Variants in GATC observed in about 807,000 individuals in gnomAD.
GATC encodes glutamyl-tRNA(Gln) amidotransferase subunit C, mitochondrial.
In GATC, 11 loss-of-function variants were observed where a neutral mutation model predicts 14.4. That is an observed-to-expected ratio of 0.77 (90% confidence interval 0.48 to 1.27). GATC has a LOEUF of 1.27. Ranked by LOEUF, GATC falls within the 50% of genes most tolerant of loss-of-function variation. GATC has a pLI of 0.00. For missense variants in GATC, 204 were observed against 183.0 expected (o/e 1.11, Z -0.66); for synonymous variants, 76 against 79.3 (o/e 0.96, Z 0.22).
chr12:120,456,722 T>C (rs1878194405), intron 2 of GATC, among the ~76,000 whole-genome samples: 1 of 152,214 alleles, frequency 6.6e-6, no homozygotes, highest in Non-Finnish European at 1.5e-5. Context: ...CTGGACTAGG[T>C]ACCCTTTCTA....
intron 3 of GATC, among the ~76,000 whole-genome samples, chr12:120,458,265 A>G (rs899278913): frequency 6.6e-6 from 1 of 151,462 alleles, no homozygotes; most frequent in African/African-American, 2.4e-5. Flanking sequence ...ATATTTTTGT[A>G]TTTTTAGTAG....
At chr12:120,456,923 G>A (rs200373680) in intron 2 of GATC, among the ~76,000 whole-genome samples, 153 bp from the exon 3 acceptor site, 2 of 152,158 alleles carry the variant, frequency 1.3e-5, no homozygotes, top group African/African-American at 4.8e-5. Context: ...GCTGTTATTT[G>A]GTCTACTGTT....
At chr12:120,449,564 C>T (rs924670136) in intron 2 of GATC, among the ~76,000 whole-genome samples, 1 of 152,126 alleles carries the variant, frequency 6.6e-6, no homozygotes. Context: ...TCTCTTGCCT[C>T]AGCTTCCCGA....
Position 120,460,018 on chromosome 12 carries a change from T to A in GATC, c.*59T>A. The A allele has an allele frequency of 7.6e-7, 1 of 1,319,206 alleles. No homozygotes were observed. Among genetic ancestry groups the A allele is most frequent in the African/African-American group, 1.5e-5 (1 of 68,286 alleles). The allele number at this position is 1,319,206 out of a possible 1,614,324, so 81.7% of individuals were successfully genotyped here. On this transcript the variant is annotated 3_prime_UTR_variant, in exon 4 of 4. Transcript: ENST00000551765. The stretch of plus-strand genomic sequence containing the variant: ...CATGTGGAAGCATAATGACAGTATT[T>A]TTTTACTGTGAATACTAATGTTCCT...
At chr12:120,457,636 C>T (rs1047096539) in intron 3 of GATC, among the ~76,000 whole-genome samples, 12 of 117,486 alleles carry the variant, frequency 1.0e-4, no homozygotes, top group South Asian at 8.4e-4. Context: ...GACGGAGTTT[C>T]GCTCTTGTTG....
intron 2 of GATC, chr12:120,450,788 C>T (rs1878017429): frequency 6.6e-6 from 1 of 152,256 alleles, no homozygotes; most frequent in Admixed American, 6.5e-5. Context: ...TTCTCACCAT[C>T]CTTCTTTGCA....
intron 2 of GATC, among the ~76,000 whole-genome samples, chr12:120,450,968 CCT>C (rs910391024): frequency 4.0e-5 from 6 of 151,618 alleles, no homozygotes; most frequent in South Asian, 2.1e-4. Context: ...ATGGCGAAAC[CCT>C]GTTTCTACTT....
At chr12:120,454,992 ATTC>A (rs1376703549) in intron 2 of GATC, 2 of 451,362 alleles carry the variant, frequency 4.4e-6, no homozygotes, top group South Asian at 1.6e-5. Context: ...CATTCAAGTG[ATTC>A]TTGTGCCTCA....
chr12:120,452,577 T>C lies in GATC; in HGVS notation c.255-4499T>C, dbSNP rs150061619. Among the ~76,000 whole-genome samples the C allele has an allele frequency of 2.2e-3, 335 of 152,278 alleles. 1 individual carries two copies. Among genetic ancestry groups the C allele is most frequent in the Middle Eastern group, 0.014 (4 of 292 alleles). ...GCTAATTTTTTTCTTTGTTACTTTT[T>C]TTTTGGTGGAGACAGGATCTTGCTG... On this transcript the variant is annotated intron_variant, in intron 2 of 3. Transcript: ENST00000551765.
intron 2 of GATC, chr12:120,454,876 A>C: frequency 4.2e-6 from 1 of 236,376 alleles, no homozygotes; most frequent in South Asian, 4.3e-5. Context: ...AAAAAAATCT[A>C]GTACAACTCT....
Position 120,462,412 on chromosome 12 carries a change from T to C in GATC, c.*2453T>C, listed in dbSNP as rs1403794538. On this transcript the variant is annotated 3_prime_UTR_variant, in exon 4 of 4. Transcript: ENST00000551765. The stretch of plus-strand genomic sequence containing the variant: ...CCAAGGTAACACAATAAATGCCAAT[T>C]TGACATGTTGATACTCAATTAACTA... The C allele has an allele frequency of 2.8e-6, 1 of 362,456 alleles. No individual in the cohort carries two copies. The highest frequency in any genetic ancestry group is 4.8e-5 in the East Asian group (1 of 20,670). 22.5% of individuals were successfully genotyped at this position (362,456 alleles called of 1,614,324 possible). A position where few individuals can be genotyped will look rare whatever the true frequency, so the allele number is the denominator to read the frequency against.
intron 2 of GATC, among the ~76,000 whole-genome samples, chr12:120,449,748 C>T (rs1427936165): frequency 1.3e-5 from 2 of 150,762 alleles, no homozygotes; most frequent in African/African-American, 2.4e-5. Context: ...TGCCCGGCCA[C>T]AGTAAATGTT....
intron 2 of GATC, among the ~76,000 whole-genome samples, chr12:120,451,593 T>G (rs1878046310): frequency 6.6e-6 from 1 of 151,692 alleles, no homozygotes; most frequent in South Asian, 2.1e-4. Flanking sequence ...AATACAAAAA[T>G]TAGCCGGGCA....
At chr12:120,459,565 T>C (rs985282489) in intron 3 of GATC, among the ~76,000 whole-genome samples, 2 of 152,132 alleles carry the variant, frequency 1.3e-5, no homozygotes, top group South Asian at 2.1e-4. Flanking sequence ...GCTATAACAT[T>C]CTCTGTTGTG....
intron 2 of GATC, among the ~76,000 whole-genome samples, chr12:120,449,784 CAG>C (rs1379745395): frequency 2.7e-5 from 4 of 150,008 alleles, no homozygotes; most frequent in Admixed American, 1.3e-4. Flanking sequence ...TTTTTAGAGA[CAG>C]AGTTTTGCTC....
At chr12:120,456,404 A>G (rs1437142200) in intron 2 of GATC, among the ~76,000 whole-genome samples, 2 of 152,218 alleles carry the variant, frequency 1.3e-5, no homozygotes, top group East Asian at 1.9e-4. Flanking sequence ...TAGGTGTATC[A>G]GATTGGGCTG....
chr12:120,447,057 T>G (rs1376522800), intron 2 of GATC, among the ~76,000 whole-genome samples: 1 of 16,408 alleles, frequency 6.1e-5, no homozygotes, highest in Admixed American at 3.4e-4. Context: ...ACTGCCTTTG[T>G]TTTTTTTTTT....
chr12:120,462,299 A>C lies in GATC; in HGVS notation c.*2340A>C. On this transcript the variant is annotated 3_prime_UTR_variant, in exon 4 of 4. Transcript: ENST00000551765. ...TCTGTGCCTGGCATGAGGCTATCTC[A>C]TTAAACCTTCATAACATTATGAGGT... 4.8e-5 allele frequency: 41 copies of C among 858,070 alleles called. No homozygotes were observed. The highest frequency in any genetic ancestry group is 6.2e-5 in the Non-Finnish European group (36 of 577,216). 53.2% of individuals were successfully genotyped at this position (858,070 alleles called of 1,614,324 possible).
chr12:120,446,542 C>T lies in GATC; in HGVS notation c.62C>T (p.Thr21Ile), dbSNP rs1877869585. The change falls in exon 1 of 4, where the codon ACC becomes ATC. Residue 21 changes from threonine to isoleucine, a missense_variant. Transcript: ENST00000551765. The part of the protein sequence containing the change: ...RAPLGGRQGF[T>I]SKADPQGSGR... ...CCTCTGGGCGGGCGCCAGGGCTTCA[C>T]CTCCAAGGCGGATCCTCAGGTAAAG... The T allele has an allele frequency of 1.9e-6, 3 of 1,600,942 alleles. No homozygotes were observed. Among genetic ancestry groups the T allele is most frequent in the Middle Eastern group, 1.7e-4 (1 of 6,022 alleles).
Sources: gnomAD v4.1 joint callset for allele counts (sites outside exome capture counted in the v4.1 genomes callset) on GRCh38, gnomAD v4.1.1 for gene constraint, MANE v1.5 for transcripts, NCBI Gene and HGNC (gene_info 2026-07-23, HGNC 2026-07-21) for gene names.